Variants in ITGAE observed in about 807,000 individuals in gnomAD.
ITGAE encodes the protein integrin subunit alpha E.
In ITGAE, 99 loss-of-function variants were observed where a neutral mutation model predicts 136.5. The observed-to-expected ratio is 0.73, with a 90% CI of 0.62 to 0.86. The LOEUF (loss-of-function observed/expected upper bound fraction) is 0.86, where lower values mean the gene tolerates loss of function less well. ITGAE is among the 40% of genes least tolerant of loss of function. ITGAE has a pLI of 0.00. For synonymous variants in ITGAE, 613 were observed against 591.8 expected (o/e 1.04, Z -0.52); for missense variants, 1,447 against 1,515.3 (o/e 0.95, Z 0.75).
chr17:3,742,782 G>A (rs2051617234), intron 19 of ITGAE, among the ~76,000 whole-genome samples: 1 of 152,210 alleles, frequency 6.6e-6, no homozygotes, highest in African/African-American at 2.4e-5. Context: ...CTCCCTAGTA[G>A]CTGGGACTAC....
rs532596661 is a variant in ITGAE, at chr17:3,747,894, G to A, written c.2155+28C>T. On this transcript the variant is annotated intron_variant, in intron 17 of 30. Coordinates refer to ENST00000263087, the MANE Select transcript of ITGAE (RefSeq NM_002208.5). ...CAAAAAGGAAAGACCATCACACCAGGCAGGGGTCAGCTGGACCATTTTTTT... is the reference window on the plus strand; with the variant it reads ...CAAAAAGGAAAGACCATCACACCAGACAGGGGTCAGCTGGACCATTTTTTT... The A allele has an allele frequency of 3.9e-5, 61 of 1,562,962 alleles. No individual in the cohort carries two copies. In the South Asian group the frequency reaches 6.7e-4, roughly 17 times the overall value.
intron 26 of ITGAE, chr17:3,726,355 G>A (rs772423161): frequency 2.3e-5 from 35 of 1,507,870 alleles, no homozygotes; most frequent in African/African-American, 1.8e-4. Context: ...TTACTGCCCC[G>A]AAATGAGAGG....
intron 2 of ITGAE, among the ~76,000 whole-genome samples, chr17:3,773,678 T>C (rs1026732947): frequency 6.6e-6 from 1 of 151,974 alleles, no homozygotes; most frequent in Non-Finnish European, 1.5e-5. Context: ...GGAGGCCTCA[T>C]TACATAGGCA....
intron 19 of ITGAE, among the ~76,000 whole-genome samples, chr17:3,740,926 TC>T (rs1227901480): frequency 2.0e-5 from 3 of 152,176 alleles, no homozygotes; most frequent in African/African-American, 7.2e-5. Flanking sequence ...GCAGGTCTGT[TC>T]CCACGGCCTA....
At chr17:3,756,105 T>C (rs1205740057) in intron 10 of ITGAE, among the ~76,000 whole-genome samples, 1 of 152,152 alleles carries the variant, frequency 6.6e-6, no homozygotes, top group African/African-American at 2.4e-5. Context: ...TTTCCTCGTC[T>C]GTGAGCTCCT....
chr17:3,761,486 C>T lies in ITGAE; in HGVS notation c.350G>A (p.Ser117Asn). ...CIQVLVRRPH[S>N]LSSELTGTCS... The stretch of plus-strand genomic sequence containing the variant: ...GGTGCCTGTGAGTTCTGAGCTGAGG[C>T]TGTGAGGCCGCCGGACCAGCACTTG... Residue 117 changes from serine (S) to asparagine (N), a missense_variant, in exon 5 of 31, where the codon AGC (serine) becomes AAC (asparagine). Transcript: ENST00000263087. 2 of 1,613,982 alleles carry T rather than the reference C, an allele frequency of 1.2e-6. No individual in the cohort carries two copies. The highest frequency in any genetic ancestry group is 1.7e-6 in the Non-Finnish European group (2 of 1,179,980).
intron 26 of ITGAE, chr17:3,724,922 C>T (rs777911813): frequency 1.9e-6 from 3 of 1,613,736 alleles, no homozygotes; most frequent in Non-Finnish European, 1.7e-6. Flanking sequence ...GGGGAATAGA[C>T]AGGCTGGAGA....
chr17:3,725,819 T>C (rs2051196913), intron 26 of ITGAE: 7 of 1,612,416 alleles, frequency 4.3e-6, no homozygotes, highest in Non-Finnish European at 5.9e-6. Context: ...CAAAGAGCAT[T>C]CTACACCAGC....
intron 19 of ITGAE, among the ~76,000 whole-genome samples, chr17:3,741,170 C>T (rs1252498182): frequency 6.7e-5 from 10 of 150,044 alleles, no homozygotes; most frequent in Non-Finnish European, 1.5e-4. Context: ...CTCCGCCTCC[C>T]GGGTTCACGC....
chr17:3,800,784 T>C (rs770562523), intron 1 of ITGAE, among the ~76,000 whole-genome samples: 1 of 151,724 alleles, frequency 6.6e-6, no homozygotes, highest in South Asian at 2.1e-4. Context: ...AACTACAGAG[T>C]CAAGGACCTG....
chr17:3,770,114 C>CTT (rs796370894), intron 2 of ITGAE, among the ~76,000 whole-genome samples: 8 of 138,836 alleles, frequency 5.8e-5, no homozygotes, highest in Non-Finnish European at 9.5e-5. Context: ...TTCTTTCTTT[C>CTT]TTTTTTTTTT....
chr17:3,723,763 C>T lies in ITGAE; in HGVS notation c.3085-19G>A. On this transcript the variant is annotated intron_variant, in intron 26 of 30. Coordinates refer to ENST00000263087, the MANE Select transcript of ITGAE (RefSeq NM_002208.5). ...TGGAGGCCTGAAACGAGAGCCATGA[C>T]CGCGACGCGCTGAACAAACCAAGCC... The T allele has an allele frequency of 6.2e-7, 1 of 1,605,452 alleles. No individual in the cohort carries two copies. The highest frequency in any genetic ancestry group is 8.5e-7 in the Non-Finnish European group (1 of 1,176,492).
intron 12 of ITGAE, chr17:3,754,664 C>G: frequency 4.7e-6 from 1 of 212,320 alleles, no homozygotes; most frequent in Non-Finnish European, 9.7e-6. Context: ...CTCACGGTCC[C>G]TAACCAGGAC....
chr17:3,793,679 G>A (rs542653560), intron 1 of ITGAE, among the ~76,000 whole-genome samples: 3 of 152,332 alleles, frequency 2.0e-5, no homozygotes, highest in African/African-American at 7.2e-5. Flanking sequence ...CTCTGGAGTA[G>A]CTGGGACTAC....
chr17:3,743,710 T>TTTA (rs1567526383), intron 18 of ITGAE, 93 bp from the exon 19 acceptor site: 6 of 1,363,404 alleles, frequency 4.4e-6, no homozygotes, highest in Admixed American at 2.5e-5. Flanking sequence ...TTTTTCTTTT[T>TTTA]TTTTTTTTTT....
At chr17:3,759,250 T>C in intron 8 of ITGAE, 152 bp downstream of exon 8, 1 of 821,788 alleles carries the variant, frequency 1.2e-6, no homozygotes, top group Non-Finnish European at 1.9e-6. Context: ...AGGACAGCCT[T>C]GAGGTGTCAT....
intron 22 of ITGAE, 137 bp downstream of exon 22, chr17:3,732,227 TAGCC>T: frequency 1.4e-6 from 1 of 690,710 alleles, no homozygotes; most frequent in Non-Finnish European, 2.6e-6. Context: ...AGAGCCAGCT[TAGCC>T]ACTGTAAGCA....
intron 21 of ITGAE, among the ~76,000 whole-genome samples, chr17:3,732,886 C>A (rs1355319988): frequency 1.3e-5 from 2 of 152,200 alleles, no homozygotes; most frequent in African/African-American, 4.8e-5. Flanking sequence ...CACCTGGACC[C>A]CCGAGGGGCA....
intron 2 of ITGAE, among the ~76,000 whole-genome samples, chr17:3,777,148 A>G (rs537816665): frequency 1.1e-4 from 16 of 151,958 alleles, no homozygotes; most frequent in Admixed American, 3.9e-4. Flanking sequence ...TTTTTAGTAG[A>G]GACAGGGTTT....
Sources: allele counts gnomAD v4.1 joint callset (sites outside exome capture counted in the v4.1 genomes callset), GRCh38; gene constraint gnomAD v4.1.1; transcripts MANE v1.5; gene names NCBI Gene and HGNC (gene_info 2026-07-23, HGNC 2026-07-21).